The following TM7SF3 variants were observed in gnomAD, a reference collection of about 807,000 sequenced individuals.
TM7SF3 encodes seven span transmembrane protein.
TM7SF3 carries 60 observed loss-of-function variants against 65.5 expected under a neutral mutation model. The observed-to-expected ratio is 0.92, with a 90% confidence interval of 0.74 to 1.14. The LOEUF (loss-of-function observed/expected upper bound fraction) is 1.14. TM7SF3 is among the 50% of genes most tolerant of loss of function. The probability of loss-of-function intolerance (pLI) is 0.00; values close to 1 mark genes in which losing one functional copy is unlikely to be tolerated. For missense variants in TM7SF3, 623 were observed against 684.8 expected, an observed-to-expected ratio of 0.91 and a Z score of 1.01; for synonymous variants, 264 against 259.6, an observed-to-expected ratio of 1.02 and a Z score of -0.16.
intron 6 of TM7SF3, among the ~76,000 whole-genome samples, chr12:26,989,687 A>ACC (rs1565875657): frequency 2.0e-5 from 3 of 150,824 alleles, no homozygotes; most frequent in East Asian, 1.9e-4. Context: ...ACACACACAC[A>ACC]CCCCTCACAA....
In TM7SF3 at chr12:26,995,361, C is replaced by CT; in HGVS notation, c.565dup (p.Arg189LysfsTer7). 6.2e-7 allele frequency: 1 copy of CT among 1,614,180 alleles called. No homozygotes were observed. Among genetic ancestry groups the CT allele is most frequent in the Non-Finnish European group, 8.5e-7 (1 of 1,180,036 alleles). On this transcript the variant is annotated frameshift_variant, in exon 5 of 12. Coordinates refer to ENST00000343028, the MANE Select transcript of TM7SF3 (RefSeq NM_016551.3). LOFTEE classifies it high-confidence loss of function. ...ATAGACATCATACTGCAACCTCCACCTGGAGTCCTGGTCTGTCCCAGCGTC... is the reference window on the plus strand; with the variant it reads ...ATAGACATCATACTGCAACCTCCACCTTGGAGTCCTGGTCTGTCCCAGCGTC...
At chr12:26,995,145 G>A in intron 5 of TM7SF3, 92 bp downstream of exon 5, 1 of 1,310,488 alleles carries the variant, frequency 7.6e-7, no homozygotes, top group South Asian at 1.4e-5. Context: ...GGAGAAAAGA[G>A]TAAAGAAATA....
intron 1 of TM7SF3, among the ~76,000 whole-genome samples, chr12:27,006,322 A>G (rs756993958): frequency 2.0e-5 from 3 of 151,402 alleles, no homozygotes; most frequent in Non-Finnish European, 2.9e-5. Flanking sequence ...TATTTTTAGT[A>G]GGGACTGGGT....
At position 26,979,854 on chromosome 12, in the gene TM7SF3, C is replaced by T. The variant is rs200513801; in HGVS notation, c.1119G>A (p.Ser373=). 2.0e-5 allele frequency: 33 copies of T among 1,614,034 alleles called. No homozygotes were observed. The highest frequency in any genetic ancestry group is 2.4e-5 in the Non-Finnish European group (28 of 1,180,020). ...CTAGTCCAACACAGAGCATGCAGATCGAGAGGATTCCAAATCGCCACCACA... is the reference window on the plus strand; with the variant it reads ...CTAGTCCAACACAGAGCATGCAGATTGAGAGGATTCCAAATCGCCACCACA... ...VAVWWRFGIL[S]ICMLCVGLVL... The change falls in exon 9 of 12, where the codon TCG becomes TCA. Residue 373 remains serine (S), a synonymous_variant. Transcript: ENST00000343028.
chr12:26,994,406 G>A (rs932830154), intron 5 of TM7SF3, among the ~76,000 whole-genome samples: 2 of 152,182 alleles, frequency 1.3e-5, no homozygotes, highest in African/African-American at 4.8e-5. Flanking sequence ...GAGTGCAACA[G>A]CACCATCTGG....
At position 26,986,790 on chromosome 12, in the gene TM7SF3, C is replaced by T. The variant is rs187798449; in HGVS notation, c.868+3660G>A. ...GTCAGGCGCCTACCCCACCTCTCCA[C>T]TGCAACAGCTCTCACTGGTACCAAT... On this transcript the variant is annotated intron_variant, in intron 6 of 11. Coordinates refer to ENST00000343028, the MANE Select transcript of TM7SF3 (RefSeq NM_016551.3). Among the ~76,000 whole-genome samples the T allele has an allele frequency of 2.0e-5, 3 of 152,332 alleles. No homozygotes were observed. In the East Asian group the frequency reaches 5.8e-4, roughly 29 times the overall value.
Position 26,973,178 on chromosome 12 carries a change from T to A in TM7SF3, c.*787A>T, listed in dbSNP as rs1264264972. ...ACTGCTTTTAGTAAGAAAATAAGTT[T>A]TTTTTTTTTTTAATTTCTCGAGACA... On this transcript the variant is annotated 3_prime_UTR_variant, in exon 12 of 12. Coordinates refer to ENST00000343028, the MANE Select transcript of TM7SF3 (RefSeq NM_016551.3). 6.7e-6 allele frequency: 1 copy of A among 149,016 alleles called. No homozygotes were observed. Among genetic ancestry groups the A allele is most frequent in the African/African-American group, 2.5e-5 (1 of 39,766 alleles). 9.2% of individuals were successfully genotyped at this position (149,016 alleles called of 1,614,324 possible).
chr12:26,999,395 C>CA (rs11449540), intron 3 of TM7SF3, 131 bp downstream of exon 3: 182,841 of 843,500 alleles, frequency 0.22, 5,213 homozygotes, highest in East Asian at 0.41. Flanking sequence ...GACTCCATCT[C>CA]AAAAAAAAAA....
rs1939557074 is a variant in TM7SF3, at chr12:26,976,246, G to A, written c.1287+14C>T. Reference sequence around the variant, plus strand: ...AACATAATCAATAAATCTAACTTTTGATGAAACACTTACTATTCTTAGGCA... The same window carrying A: ...AACATAATCAATAAATCTAACTTTTAATGAAACACTTACTATTCTTAGGCA... On this transcript the variant is annotated intron_variant, in intron 10 of 11. Coordinates refer to ENST00000343028, the MANE Select transcript of TM7SF3 (RefSeq NM_016551.3). 3.8e-6 allele frequency: 6 copies of A among 1,568,386 alleles called. No individual in the cohort carries two copies. The highest frequency in any genetic ancestry group is 1.4e-5 in the African/African-American group (1 of 73,900).
At chr12:26,976,848 A>AG (rs1321191358) in intron 9 of TM7SF3, among the ~76,000 whole-genome samples, 1 of 152,230 alleles carries the variant, frequency 6.6e-6, no homozygotes, top group African/African-American at 2.4e-5. Flanking sequence ...TTACCGTCAA[A>AG]GCATGTCCTG....
At chr12:26,988,049 A>C (rs1288875578) in intron 6 of TM7SF3, among the ~76,000 whole-genome samples, 1 of 151,978 alleles carries the variant, frequency 6.6e-6, no homozygotes, top group Non-Finnish European at 1.5e-5. Flanking sequence ...TCAAGGTCTT[A>C]AAAGATTAAA....
chr12:26,990,366 T>C (rs775323437), intron 6 of TM7SF3, 84 bp downstream of exon 6: 12 of 982,744 alleles, frequency 1.2e-5, no homozygotes, highest in East Asian at 1.2e-4. Flanking sequence ...TCAAAAGGTA[T>C]GTGTTGAATG....
chr12:27,004,143 T>C (rs1940941567), intron 1 of TM7SF3, among the ~76,000 whole-genome samples: 2 of 152,192 alleles, frequency 1.3e-5, no homozygotes, highest in Admixed American at 1.3e-4. Context: ...ATGGTCTGCA[T>C]CTCACTGACT....
chr12:27,013,958 C>A, intron 1 of TM7SF3, 120 bp downstream of exon 1: 4 of 829,520 alleles, frequency 4.8e-6, no homozygotes, highest in South Asian at 4.3e-5. Flanking sequence ...CACCACCCAG[C>A]GTGTACCAAC....
In TM7SF3 at chr12:26,984,355, G is replaced by A. The variant is rs149501467; in HGVS notation, c.869-1496C>T. On this transcript the variant is annotated intron_variant, in intron 6 of 11. Transcript: ENST00000343028. ...GAGGCAGGAGAATTGCTTGAACCCA[G>A]GAAGCAGAGGTTGCAGTGAGCCAAG... 8.9e-4 allele frequency among the ~76,000 whole-genome samples: 135 copies of A among 151,978 alleles called. 1 individual carries two copies. In the East Asian group the frequency reaches 0.022, roughly 25 times the overall value.
intron 1 of TM7SF3, among the ~76,000 whole-genome samples, chr12:27,009,485 A>C (rs1316430500): frequency 6.6e-6 from 1 of 152,200 alleles, no homozygotes; most frequent in Non-Finnish European, 1.5e-5. Context: ...AGGTCTTTAC[A>C]TATCCCATGA....
At chr12:26,987,170 AAG>A (rs1361526144) in intron 6 of TM7SF3, among the ~76,000 whole-genome samples, 3 of 152,194 alleles carry the variant, frequency 2.0e-5, no homozygotes, top group African/African-American at 7.2e-5. Context: ...ATTCAGTCTG[AAG>A]ATTTCCAAGA....
chr12:26,979,842 G>C lies in TM7SF3; in HGVS notation c.1131C>G (p.Leu377=), dbSNP rs781477855. Residue 377 remains leucine (L), a synonymous_variant, in exon 9 of 12, where the codon CTC becomes CTG. Coordinates refer to ENST00000343028, the MANE Select transcript of TM7SF3 (RefSeq NM_016551.3). ...WRFGILSICM[L]CVGLVLGFLI... The stretch of plus-strand genomic sequence containing the variant: ...GGAACCCCAGCACTAGTCCAACACA[G>C]AGCATGCAGATCGAGAGGATTCCAA... The C allele has an allele frequency of 1.2e-6, 2 of 1,614,008 alleles. No individual in the cohort carries two copies. Among genetic ancestry groups the C allele is most frequent in the African/African-American group, 1.3e-5 (1 of 74,916 alleles).
In TM7SF3 at chr12:26,973,604, T is replaced by A. The variant is rs1296690562; in HGVS notation, c.*361A>T. On this transcript the variant is annotated 3_prime_UTR_variant, in exon 12 of 12. Transcript: ENST00000343028. ...TAGACAGGCTCAGGTGAGAGACTTG[T>A]TTCAAGGGGTTATAAAAAGAAACAC... 1.1e-5 allele frequency: 2 copies of A among 174,306 alleles called. No individual in the cohort carries two copies. The highest frequency in any genetic ancestry group is 2.4e-5 in the Non-Finnish European group (2 of 82,716). 10.8% of individuals were successfully genotyped at this position (174,306 alleles called of 1,614,324 possible). A position where few individuals can be genotyped will look rare whatever the true frequency, so the allele number is the denominator to read the frequency against.
Sources: allele counts gnomAD v4.1 joint callset (sites outside exome capture counted in the v4.1 genomes callset), GRCh38; gene constraint gnomAD v4.1.1; transcripts MANE v1.5; gene names NCBI Gene and HGNC (gene_info 2026-07-23, HGNC 2026-07-21).